The following XPO1 variants were observed in gnomAD, a reference collection of about 807,000 sequenced individuals.
XPO1 encodes the protein exportin 1.
Under a neutral mutation model 133.3 loss-of-function variants are expected in XPO1, and 5 were observed. That is an observed-to-expected ratio of 0.04 (90% CI 0.02 to 0.08). The LOEUF (loss-of-function observed/expected upper bound fraction) is 0.08, where lower values mean the gene tolerates loss of function less well. XPO1 is among the 10% of genes least tolerant of loss of function. The probability of loss-of-function intolerance (pLI) is 1.00; values close to 1 mark genes in which losing one functional copy is unlikely to be tolerated. For missense variants in XPO1, 506 were observed against 1,267.5 expected (o/e 0.40, Z 9.12); for synonymous variants, 419 against 408.2 (o/e 1.03, Z -0.32).
chr2:61,495,539 A>G lies in XPO1; in HGVS notation c.963T>C (p.Asn321=). ...GKDDEQNFIQ[N]LSLFLCTFLK... is the part of the protein sequence containing the mutation. ...GAAAGGTGCAGAGAAACAAACTGAG[A>G]TTTTGAATGAAGTTCTGTTCATCAT... Residue 321 remains asparagine (N), a synonymous_variant, in exon 11 of 25, where the codon AAT becomes AAC. Coordinates refer to ENST00000401558, the MANE Select transcript of XPO1 (RefSeq NM_003400.4). The G allele has an allele frequency of 6.3e-7, 1 of 1,595,322 alleles. No homozygotes were observed. The highest frequency in any genetic ancestry group is 8.6e-7 in the Non-Finnish European group (1 of 1,167,848).
rs1216493677 is a variant in XPO1 at position 61,499,891 on chromosome 2, G to A, written c.412C>T (p.Leu138=). The part of the protein sequence containing the change: ...GKLNMILVQI[L]KQEWPKHWPT... The stretch of plus-strand genomic sequence containing the variant: ...CAATGTTTGGGCCATTCTTGTTTCA[G>A]TATCTAAAACAAGACATGAAATGTT... Residue 138 remains leucine, a synonymous_variant, in exon 7 of 25, where the codon CTG becomes TTG. Transcript: ENST00000401558. 1 of 1,606,132 alleles carries A rather than the reference G, an allele frequency of 6.2e-7. No homozygotes were observed. The highest frequency in any genetic ancestry group is 2.2e-5 in the East Asian group (1 of 44,782).
intron 5 of XPO1, 46 bp downstream of exon 5, chr2:61,502,203 T>C: frequency 6.3e-7 from 1 of 1,594,688 alleles, no homozygotes; most frequent in Non-Finnish European, 8.5e-7. Flanking sequence ...ACTCAATATC[T>C]AAATGATTTT....
chr2:61,538,364 C>T (rs1699448067), upstream of XPO1: 2 of 156,614 alleles, frequency 1.3e-5, no homozygotes, highest in East Asian at 1.9e-4. Flanking sequence ...CCTGGGCCTC[C>T]GCCCCCAGCC....
chr2:61,514,452 G>C (rs1321311724), intron 4 of XPO1, among the ~76,000 whole-genome samples: 1 of 151,886 alleles, frequency 6.6e-6, no homozygotes, highest in Non-Finnish European at 1.5e-5. Flanking sequence ...AATTAGCTGG[G>C]TGTGGTGGCA....
intron 11 of XPO1, 55 bp downstream of exon 11, chr2:61,495,400 A>G (rs1697197773): frequency 2.1e-6 from 3 of 1,422,016 alleles, no homozygotes; most frequent in Non-Finnish European, 2.8e-6. Flanking sequence ...GGCACTTTTA[A>G]GAGTTATTAG....
At chr2:61,520,978 G>A (rs1698663334) in intron 4 of XPO1, among the ~76,000 whole-genome samples, 2 of 152,150 alleles carry the variant, frequency 1.3e-5, no homozygotes, top group African/African-American at 2.4e-5. Flanking sequence ...GAAGAATAAA[G>A]TATGAAGGAC....
intron 6 of XPO1, 109 bp downstream of exon 6, chr2:61,501,887 T>C: frequency 1.2e-6 from 1 of 852,254 alleles, no homozygotes; most frequent in Non-Finnish European, 1.8e-6. Flanking sequence ...AAGAATACTA[T>C]CACTACTTCT....
intron 1 of XPO1, 31 bp from the exon 2 acceptor site, chr2:61,533,934 C>T (rs778935377): frequency 4.3e-5 from 63 of 1,476,320 alleles, no homozygotes; most frequent in Non-Finnish European, 5.6e-5. Context: ...TTGAAGCTGC[C>T]TATCAAGTTT....
chr2:61,528,733 T>TTA (rs10528074), intron 2 of XPO1, among the ~76,000 whole-genome samples: 1,177 of 114,930 alleles, frequency 0.01, 9 homozygotes, highest in Non-Finnish European at 0.013. Flanking sequence ...GACATTTTAT[T>TTA]TATATATATA....
rs770692331 is a variant in XPO1, at chr2:61,482,491, T to C, written c.2861A>G (p.Glu954Gly). 6.2e-7 allele frequency: 1 copy of C among 1,613,166 alleles called. No homozygotes were observed. Among genetic ancestry groups the C allele is most frequent in the Non-Finnish European group, 8.5e-7 (1 of 1,179,698 alleles). The change falls in exon 23 of 25, where the codon GAA becomes GGA. Residue 954 changes from glutamate (E) to glycine (G), a missense_variant. By Grantham distance (98) the Glu-to-Gly change is moderately conservative. Around this residue, in one of 6 missense-constraint regions of XPO1, gnomAD observed 203 missense variants for 365.9 expected, o/e 0.55. Transcript: ENST00000401558. ...TAATGATGTACTTATTTTTCCTTCT[T>C]CAACCAAATTAAACATATATGCAAG... ...SILAYMFNLV[E>G]EGKISTSLNP...
chr2:61,502,138 G>A (rs942835663), intron 5 of XPO1, 98 bp from the exon 6 acceptor site: 37 of 1,488,954 alleles, frequency 2.5e-5, no homozygotes, highest in Middle Eastern at 1.8e-4. Flanking sequence ...TACTGTAAAT[G>A]ACTGACTGTG....
intron 24 of XPO1, 136 bp downstream of exon 24, chr2:61,481,047 TAC>T: frequency 5.9e-6 from 3 of 505,652 alleles, no homozygotes; most frequent in Non-Finnish European, 1.0e-5. Context: ...GTTTTTTGAT[TAC>T]AGAGATTGTG....
intron 17 of XPO1, 67 bp downstream of exon 17, chr2:61,490,575 T>C: frequency 2.5e-6 from 4 of 1,595,186 alleles, no homozygotes; most frequent in Middle Eastern, 1.8e-4. Context: ...TTGAATTCAA[T>C]ACATTTGTAA....
At chr2:61,522,790 A>G (rs1333348456) in intron 3 of XPO1, 107 bp from the exon 4 acceptor site, 1 of 782,722 alleles carries the variant, frequency 1.3e-6, no homozygotes. Flanking sequence ...AAAGTTTCAA[A>G]AACATTATGC....
intron 11 of XPO1, chr2:61,494,785 T>C (rs1005839053): frequency 2.0e-5 from 3 of 148,974 alleles, no homozygotes; most frequent in African/African-American, 7.4e-5. Flanking sequence ...TATATATATA[T>C]ACTTATGTTT....
At chr2:61,528,736 TATATATATATATATATATATATA>T (rs1699023615) in intron 2 of XPO1, among the ~76,000 whole-genome samples, 13 of 1,892 alleles carry the variant, frequency 6.9e-3, no homozygotes, top group African/African-American at 0.039. Context: ...ATTTTATTTA[TATATATATATATATATATATATA>T]TATATATATA....
intron 4 of XPO1, among the ~76,000 whole-genome samples, chr2:61,520,702 G>C (rs1021902697): frequency 6.6e-6 from 1 of 152,140 alleles, no homozygotes; most frequent in Non-Finnish European, 1.5e-5. Flanking sequence ...TGTAACAAAT[G>C]TAACTACAGT....
chr2:61,537,009 T>C (rs568218543), intron 1 of XPO1: 2 of 152,198 alleles, frequency 1.3e-5, no homozygotes, highest in South Asian at 4.2e-4. Flanking sequence ...GAAAAACTGA[T>C]CTTTCCTACT....
intron 16 of XPO1, among the ~76,000 whole-genome samples, chr2:61,491,542 G>T (rs902055654): frequency 6.6e-6 from 1 of 150,484 alleles, no homozygotes; most frequent in Non-Finnish European, 1.5e-5. Context: ...TGTTTGTTCG[G>T]AATAATTTTA....
Sources: gnomAD v4.1 joint callset for allele counts (sites outside exome capture counted in the v4.1 genomes callset) on GRCh38, gnomAD v4.1.1 for gene constraint, gnomAD v4.1.1 regional missense constraint, MANE v1.5 for transcripts, NCBI Gene and HGNC (gene_info 2026-07-23, HGNC 2026-07-21) for gene names.